Variants in NKAIN3 observed in about 807,000 individuals in gnomAD.
NKAIN3 encodes sodium/potassium transporting ATPase interacting 3.
A neutral mutation model predicts 30.2 loss-of-function variants in NKAIN3; 25 were observed. The observed-to-expected ratio is 0.83, with a 90% CI of 0.60 to 1.16. The LOEUF (loss-of-function observed/expected upper bound fraction) is 1.16. Among genes scored for constraint, NKAIN3 ranks in the 50% most tolerant of loss-of-function variants. NKAIN3 has a pLI of 0.00. For missense variants in NKAIN3, 225 were observed against 254.1 expected (o/e 0.89, Z 0.78); for synonymous variants, 91 against 89.6 (o/e 1.02, Z -0.09).
Position 62,953,915 on chromosome 8 carries a change from TG to T in NKAIN3, c.548del (p.Gly183AspfsTer14). ...EEEDTFDFIG[G>X]LDTHSYYQDH... ...TTATATTTTCAGTTGATTTCATAGG[TG>T]GACTTGATACACACTCCTACTACCA... On this transcript the variant is annotated frameshift_variant, in exon 6 of 7. Coordinates refer to ENST00000623646, the MANE Select transcript of NKAIN3 (RefSeq NM_001304533.3). LOFTEE classifies it high-confidence loss of function. 1 of 976,532 alleles carries T rather than the reference TG, an allele frequency of 1.0e-6. No homozygotes were observed. Among genetic ancestry groups the T allele is most frequent in the Non-Finnish European group, 1.2e-6 (1 of 821,408 alleles). The allele number at this position is 976,532 out of a possible 1,614,324, so 60.5% of individuals were successfully genotyped here.
intron 3 of NKAIN3, among the ~76,000 whole-genome samples, chr8:62,688,956 T>G (rs771970869): frequency 6.6e-6 from 1 of 152,196 alleles, no homozygotes; most frequent in African/African-American, 2.4e-5. Flanking sequence ...TTATATTATT[T>G]TAAGTTCTTC....
intron 4 of NKAIN3, among the ~76,000 whole-genome samples, chr8:62,901,919 C>G (rs143670715): frequency 1.3e-5 from 2 of 152,212 alleles, no homozygotes; most frequent in African/African-American, 4.8e-5. Context: ...GAGCTCCAGA[C>G]ATTGCCATTT....
intron 4 of NKAIN3, among the ~76,000 whole-genome samples, chr8:62,761,302 G>A (rs531592252): frequency 1.3e-5 from 2 of 152,158 alleles, no homozygotes; most frequent in Non-Finnish European, 2.9e-5. Context: ...ATAATGTTCT[G>A]TGTATGCATA....
intron 3 of NKAIN3, among the ~76,000 whole-genome samples, chr8:62,599,724 A>T (rs567229605): frequency 1.7e-3 from 259 of 152,208 alleles, no homozygotes; most frequent in African/African-American, 6.1e-3. Context: ...TTAACTTCAC[A>T]GCTGTAACAG....
intron 1 of NKAIN3, among the ~76,000 whole-genome samples, chr8:62,317,445 T>C (rs1379855816): frequency 6.6e-6 from 1 of 152,218 alleles, no homozygotes; most frequent in Non-Finnish European, 1.5e-5. Context: ...CTTGAATTAA[T>C]TTTTGTATAA....
intron 6 of NKAIN3, among the ~76,000 whole-genome samples, chr8:62,959,433 GGT>G (rs35737951): frequency 0.13 from 18,423 of 143,030 alleles, 1,230 homozygotes; most frequent in East Asian, 0.25. Context: ...GACAAATCAG[GGT>G]GTGTGTGTGT....
At chr8:62,472,025 G>GT (rs1320560975) in intron 1 of NKAIN3, among the ~76,000 whole-genome samples, 2 of 77,514 alleles carry the variant, frequency 2.6e-5, no homozygotes, top group Middle Eastern at 5.2e-3. Flanking sequence ...GCAAGACTCT[G>GT]TTTAAAAAAA....
At chr8:62,442,125 T>G (rs1805345846) in intron 1 of NKAIN3, among the ~76,000 whole-genome samples, 1 of 152,082 alleles carries the variant, frequency 6.6e-6, no homozygotes, top group African/African-American at 2.4e-5. Context: ...TGGATTTTTT[T>G]CACACCTGAG....
chr8:62,959,483 G>C (rs1585623596), intron 6 of NKAIN3, among the ~76,000 whole-genome samples: 2 of 142,618 alleles, frequency 1.4e-5, no homozygotes, highest in East Asian at 4.1e-4. Context: ...AGTTGGGAAG[G>C]TGGAGTAATG....
In NKAIN3 at chr8:62,477,850, G is replaced by A. The variant is rs145383829; in HGVS notation, c.55-101689G>A. On this transcript the variant is annotated intron_variant, in intron 1 of 6. Coordinates refer to ENST00000623646, the MANE Select transcript of NKAIN3 (RefSeq NM_001304533.3). ...AAAGCAGGACTGCCTAAAACAGTGAGGGGATTAGAACAATATTTAAAAAGC... is the reference window on the plus strand; with the variant it reads ...AAAGCAGGACTGCCTAAAACAGTGAAGGGATTAGAACAATATTTAAAAAGC... Among the ~76,000 whole-genome samples the A allele has an allele frequency of 4.6e-3, 708 of 152,268 alleles. 5 individuals carry two copies. Among genetic ancestry groups the A allele is most frequent in the African/African-American group, 0.016 (670 of 41,554 alleles).
intron 3 of NKAIN3, among the ~76,000 whole-genome samples, chr8:62,659,367 A>G (rs1812868357): frequency 6.6e-6 from 1 of 151,960 alleles, no homozygotes; most frequent in African/African-American, 2.4e-5. Flanking sequence ...GCCAGTTTCT[A>G]TATCAGGGTT....
intron 1 of NKAIN3, among the ~76,000 whole-genome samples, chr8:62,468,781 A>G (rs1479902389): frequency 6.6e-6 from 1 of 151,948 alleles, no homozygotes; most frequent in Non-Finnish European, 1.5e-5. Context: ...TGTCATGTTT[A>G]TGTTTCTGGG....
chr8:62,992,496 G>C (rs1585651214), intron 5 of NKAIN3, among the ~76,000 whole-genome samples: 1 of 151,984 alleles, frequency 6.6e-6, no homozygotes, highest in African/African-American at 2.4e-5. Flanking sequence ...AGAGGCTGAC[G>C]CCTGTCCCAT....
At chr8:62,266,242 A>C (rs1563912013) in intron 1 of NKAIN3, among the ~76,000 whole-genome samples, 1 of 152,216 alleles carries the variant, frequency 6.6e-6, no homozygotes, top group African/African-American at 2.4e-5. Context: ...TTTATAAAAC[A>C]CTGGAGTCTA....
intron 4 of NKAIN3, chr8:62,864,312 T>C (rs1280938391): frequency 2.1e-6 from 3 of 1,463,338 alleles, no homozygotes; most frequent in African/African-American, 3.2e-5. Flanking sequence ...AAGAAGACCC[T>C]GAGAAAGAAA....
At chr8:62,328,774 T>G (rs185933176) in intron 1 of NKAIN3, among the ~76,000 whole-genome samples, 20 of 152,260 alleles carry the variant, frequency 1.3e-4, no homozygotes, top group Non-Finnish European at 2.4e-4. Flanking sequence ...TCTCAAATAT[T>G]TGTTTAGTAC....
chr8:62,826,581 G>A (rs563386782), intron 4 of NKAIN3, among the ~76,000 whole-genome samples: 2 of 152,248 alleles, frequency 1.3e-5, no homozygotes, highest in South Asian at 2.1e-4. Context: ...GATTTTAAAT[G>A]GATGAACGTA....
intron 4 of NKAIN3, among the ~76,000 whole-genome samples, chr8:62,827,725 C>A (rs1819070067): frequency 6.6e-6 from 1 of 152,002 alleles, no homozygotes; most frequent in Non-Finnish European, 1.5e-5. Flanking sequence ...GTAGACAATA[C>A]AGTATAATGA....
chr8:62,800,704 T>C (rs1818027560), intron 4 of NKAIN3, among the ~76,000 whole-genome samples: 1 of 152,100 alleles, frequency 6.6e-6, no homozygotes. Flanking sequence ...AGACGGGTGA[T>C]TTCTGCATTT....
Sources: gnomAD v4.1 joint callset for allele counts (sites outside exome capture counted in the v4.1 genomes callset) on GRCh38, gnomAD v4.1.1 for gene constraint, MANE v1.5 for transcripts, NCBI Gene and HGNC (gene_info 2026-07-23, HGNC 2026-07-21) for gene names.